The following ECT2 variants were observed in gnomAD, a reference collection of about 807,000 sequenced individuals.
ECT2 encodes the protein epithelial cell transforming 2.
In ECT2, 61 loss-of-function variants were observed where a neutral mutation model predicts 116.9. The ratio of observed to expected loss-of-function variants is 0.52; its 90% CI spans 0.42 to 0.65. ECT2 has a LOEUF of 0.65. Ranked by LOEUF, ECT2 falls within the 30% of genes least tolerant of loss-of-function variation. The pLI is 0.00. For synonymous variants in ECT2, 358 were observed against 346.4 expected (o/e 1.03, Z -0.37); for missense variants, 937 against 1,078.7 (o/e 0.87, Z 1.84).
At chr3:172,759,746 A>G (rs1717851043) in intron 6 of ECT2, among the ~76,000 whole-genome samples, 1 of 152,112 alleles carries the variant, frequency 6.6e-6, no homozygotes, top group Admixed American at 6.6e-5. Flanking sequence ...GCCCGGCCAG[A>G]AAGTTCTTTC....
intron 1 of ECT2, 84 bp downstream of exon 1, chr3:172,750,941 C>T (rs1207140743): frequency 1.3e-5 from 2 of 152,506 alleles, no homozygotes; most frequent in Non-Finnish European, 2.9e-5. Flanking sequence ...GTCGACGTCC[C>T]CGCCCCTAGT....
At chr3:172,756,034 CCTTT>C (rs908365202) in intron 4 of ECT2, among the ~76,000 whole-genome samples, 2 of 152,200 alleles carry the variant, frequency 1.3e-5, no homozygotes, top group African/African-American at 4.8e-5. Context: ...CCTCACATGG[CCTTT>C]CTTCTGTGTG....
intron 12 of ECT2, among the ~76,000 whole-genome samples, chr3:172,765,394 G>GT (rs1277201425): frequency 1.3e-5 from 2 of 151,916 alleles, no homozygotes; most frequent in African/African-American, 2.4e-5. Flanking sequence ...AAAATCTATG[G>GT]TTTTGAAAAG....
intron 22 of ECT2, among the ~76,000 whole-genome samples, chr3:172,809,568 TACACACACACAC>T (rs10576393): frequency 1.4e-5 from 2 of 147,148 alleles, no homozygotes; most frequent in Admixed American, 6.9e-5. Context: ...TGTGTATATC[TACACACACACAC>T]ACACACACAC....
intron 18 of ECT2, among the ~76,000 whole-genome samples, chr3:172,794,012 GAT>G (rs1725170441): frequency 1.3e-5 from 2 of 151,794 alleles, no homozygotes; most frequent in African/African-American, 4.8e-5. Flanking sequence ...TTTAAAAAAA[GAT>G]ATATGATTTG....
downstream of ECT2, among the ~76,000 whole-genome samples, chr3:172,825,353 C>A (rs566970707): frequency 4.6e-5 from 7 of 152,008 alleles, no homozygotes; most frequent in Admixed American, 3.3e-4. Flanking sequence ...ATTAATCCTA[C>A]AATGGCCTCT....
chr3:172,806,166 C>T (rs1195724051), intron 21 of ECT2: 4 of 193,416 alleles, frequency 2.1e-5, no homozygotes, highest in African/African-American at 7.0e-5. Flanking sequence ...AGCCTATTGC[C>T]ACACCAAAAT....
chr3:172,815,007 A>G (rs1729443981), intron 22 of ECT2, among the ~76,000 whole-genome samples: 1 of 152,146 alleles, frequency 6.6e-6, no homozygotes, highest in Non-Finnish European at 1.5e-5. Flanking sequence ...TCACAGAAGT[A>G]CACAGTAGAC....
intron 1 of ECT2, among the ~76,000 whole-genome samples, chr3:172,751,933 T>C (rs773993100): frequency 1.3e-5 from 2 of 152,196 alleles, no homozygotes; most frequent in Non-Finnish European, 2.9e-5. Context: ...GCATCTCTTT[T>C]TCTCTATACA....
At chr3:172,806,597 CTTT>C (rs369478058) in intron 21 of ECT2, among the ~76,000 whole-genome samples, 178 of 78,422 alleles carry the variant, frequency 2.3e-3, no homozygotes, top group Non-Finnish European at 3.6e-3. Context: ...AGAAATTATT[CTTT>C]TTTTTTTTTT....
At position 172,754,562 on chromosome 3, in the gene ECT2, C is replaced by T; in HGVS notation, c.32C>T (p.Thr11Ile). Residue 11 changes from threonine (T) to isoleucine (I), a missense_variant, in exon 2 of 25, where the codon ACT becomes ATT. Physicochemically the swap from Thr to Ile is moderately conservative, Grantham distance 89 (BLOSUM62 -1). Coordinates refer to ENST00000392692, the MANE Select transcript of ECT2 (RefSeq NM_001258315.2). MAENSVLTST[T>I]GRTSLADSSI... Reference sequence around the variant, plus strand: ...GAAAATAGTGTATTAACATCCACTACTGGGAGGACTAGCTTGGCAGACTCT... The same window carrying T: ...GAAAATAGTGTATTAACATCCACTATTGGGAGGACTAGCTTGGCAGACTCT... 6 of 1,610,748 alleles carry T rather than the reference C, an allele frequency of 3.7e-6. No individual in the cohort carries two copies. Among genetic ancestry groups the T allele is most frequent in the Non-Finnish European group, 5.1e-6 (6 of 1,178,380 alleles).
At chr3:172,809,473 T>C (rs1728362936) in intron 22 of ECT2, among the ~76,000 whole-genome samples, 2 of 152,084 alleles carry the variant, frequency 1.3e-5, no homozygotes, top group Non-Finnish European at 2.9e-5. Context: ...TCGGTGACTT[T>C]GGTTGAGCCC....
chr3:172,784,632 T>C (rs1317208451), intron 16 of ECT2, 75 bp from the exon 17 acceptor site: 2 of 1,000,592 alleles, frequency 2.0e-6, no homozygotes, highest in African/African-American at 1.6e-5. Context: ...AATGATAAGG[T>C]GTACTCCAGT....
rs138791414 is a variant in ECT2 at position 172,762,424 on chromosome 3, A to G, written c.767A>G (p.Tyr256Cys). ...AWERRNEQDF[Y>C]AAVDDFRNEF... ...GTGTATTTTGTTTTTAGGGATTTCT[A>G]TGCAGCAGTTGATGACTTTAGAAAT... Residue 256 changes from tyrosine (Y) to cysteine (C), a missense_variant, in exon 9 of 25, where the codon TAT becomes TGT. Transcript: ENST00000392692. 1.0e-3 allele frequency: 1,606 copies of G among 1,595,264 alleles called. 22 individuals carry two copies. Among genetic ancestry groups the G allele is most frequent in the Non-Finnish European group, 2.0e-4 (233 of 1,175,846 alleles).
chr3:172,763,030 CT>C, intron 11 of ECT2, 58 bp downstream of exon 11: 1 of 1,556,386 alleles, frequency 6.4e-7, no homozygotes, highest in South Asian at 1.1e-5. Context: ...GAAAATAACA[CT>C]TTTCTGTCCA....
At chr3:172,805,211 A>G (rs1173897794) in intron 20 of ECT2, among the ~76,000 whole-genome samples, 2 of 135,388 alleles carry the variant, frequency 1.5e-5, no homozygotes, top group African/African-American at 7.8e-5. Context: ...TGTTATACTG[A>G]AACTAATTTG....
chr3:172,764,386 G>A lies in ECT2; in HGVS notation c.1177G>A (p.Glu393Lys). 6.2e-7 allele frequency: 1 copy of A among 1,614,146 alleles called. No individual in the cohort carries two copies. The highest frequency in any genetic ancestry group is 1.3e-5 in the African/African-American group (1 of 75,052). Residue 393 changes from glutamate (E) to lysine (K), a missense_variant, in exon 12 of 25, where the codon GAG (glutamate) becomes AAG (lysine). Glu to Lys is a moderately conservative substitution (Grantham distance 56). Coordinates refer to ENST00000392692, the MANE Select transcript of ECT2 (RefSeq NM_001258315.2). ...LKETLAQLSRETDVSPFPPRK... is the reference protein window; with the variant it reads ...LKETLAQLSRKTDVSPFPPRK... ...AGAAACACTTGCTCAGCTTTCAAGAGAGACAGACGTGTCACCATTTCCACC... is the reference window on the plus strand; with the variant it reads ...AGAAACACTTGCTCAGCTTTCAAGAAAGACAGACGTGTCACCATTTCCACC...
At position 172,782,259 on chromosome 3, in the gene ECT2, T is replaced by C. The variant is rs373517413; in HGVS notation, c.1617+28T>C. ...AAGTATTGTATTTCTTTTTTAAGTT[T>C]TCAGATTAAAATATGATCTCATCAA... On this transcript the variant is annotated intron_variant, in intron 15 of 24. Transcript: ENST00000392692. 373 of 1,381,604 alleles carry C rather than the reference T, an allele frequency of 2.7e-4. 1 individual carries two copies. The highest frequency in any genetic ancestry group is 1.8e-3 in the Middle Eastern group (10 of 5,546). 85.6% of individuals were successfully genotyped at this position (1,381,604 alleles called of 1,614,324 possible).
chr3:172,807,729 A>G (rs763478143), intron 21 of ECT2, 41 bp from the exon 22 acceptor site: 14 of 1,558,930 alleles, frequency 9.0e-6, no homozygotes, highest in Non-Finnish European at 1.2e-5. Flanking sequence ...TCATTTTCCA[A>G]GGAGTGACAC....
Sources: gnomAD v4.1 joint callset for allele counts (sites outside exome capture counted in the v4.1 genomes callset) on GRCh38, gnomAD v4.1.1 for gene constraint, MANE v1.5 for transcripts, NCBI Gene and HGNC (gene_info 2026-07-23, HGNC 2026-07-21) for gene names.